The following NEK11 variants were observed in gnomAD, a reference collection of about 807,000 sequenced individuals.
NEK11 encodes the protein NIMA related kinase 11.
A neutral mutation model predicts 80.7 loss-of-function variants in NEK11; 72 were observed. The observed-to-expected ratio is 0.89, with a 90% CI of 0.74 to 1.08. The LOEUF is 1.08. NEK11 is among the 50% of genes least tolerant of loss of function. NEK11 has a pLI of 0.00. For synonymous variants in NEK11, 251 were observed against 260.7 expected (o/e 0.96, Z 0.36); for missense variants, 764 against 763.6 (o/e 1.00, Z -0.01).
rs1255340337 is a variant in NEK11, at chr3:131,098,000, G to A, written c.337-11803G>A. ...GAACAGAGCCCTCAGAAATAATGCC[G>A]CATATCTACAACTATCTGATCTTTG... On this transcript the variant is annotated intron_variant, in intron 4 of 17. Transcript: ENST00000383366. Among the ~76,000 whole-genome samples, 52 of 143,866 alleles carry A rather than the reference G, an allele frequency of 3.6e-4. 1 individual carries two copies. The highest frequency in any genetic ancestry group is 3.6e-3 in the Middle Eastern group (1 of 276). The allele number at this position is 143,866 out of a possible 152,430, so 94.4% of individuals were successfully genotyped here.
chr3:131,179,454 T>G (rs1262559953), intron 14 of NEK11, among the ~76,000 whole-genome samples: 2 of 152,234 alleles, frequency 1.3e-5, no homozygotes, highest in Non-Finnish European at 2.9e-5. Flanking sequence ...ACAAGGACAC[T>G]TAGTCTGTAT....
rs372753221 is a variant in NEK11 at position 131,162,559 on chromosome 3, C to G, written c.1082+32C>G. On this transcript the variant is annotated intron_variant, in intron 11 of 17. Transcript: ENST00000383366. ...TGCTTTTCCTTTAGGCACTCATGCT[C>G]GGGACTACTTCTCAGGGCTCTCAGG... 3 of 1,612,226 alleles carry G rather than the reference C, an allele frequency of 1.9e-6. No individual in the cohort carries two copies. The African/African-American group carries it at 4.0e-5, about 22-fold the overall frequency.
At position 131,176,333 on chromosome 3, in the gene NEK11, C is replaced by T. The variant is rs149300267; in HGVS notation, c.1399+5446C>T. 1.5e-3 allele frequency among the ~76,000 whole-genome samples: 225 copies of T among 152,228 alleles called. 5 individuals carry two copies. The East Asian group carries it at 0.035, about 24-fold the overall frequency. ...GTTACTTCCACATTCCTAGATCTTCCGTCACTTCTGGAGCTTTAGATGTCT... is the reference window on the plus strand; with the variant it reads ...GTTACTTCCACATTCCTAGATCTTCTGTCACTTCTGGAGCTTTAGATGTCT... On this transcript the variant is annotated intron_variant, in intron 14 of 17. Transcript: ENST00000383366.
At chr3:131,138,866 C>T (rs1022099210) in intron 7 of NEK11, among the ~76,000 whole-genome samples, 1 of 152,104 alleles carries the variant, frequency 6.6e-6, no homozygotes, top group African/African-American at 2.4e-5. Flanking sequence ...ATCACAACAC[C>T]CAAGTATTTT....
chr3:131,250,652 A>G (rs1219668384), intron 16 of NEK11, among the ~76,000 whole-genome samples: 1 of 152,128 alleles, frequency 6.6e-6, no homozygotes, highest in Non-Finnish European at 1.5e-5. Context: ...AAGAAAGGTC[A>G]CTGAACGATA....
At chr3:131,220,146 A>T (rs2094970109) in intron 14 of NEK11, among the ~76,000 whole-genome samples, 1 of 152,098 alleles carries the variant, frequency 6.6e-6, no homozygotes. Flanking sequence ...TTTCATCTAA[A>T]TTGTGCTTAC....
intron 17 of NEK11, among the ~76,000 whole-genome samples, chr3:131,297,102 A>C (rs1339484534): frequency 2.0e-5 from 3 of 152,178 alleles, no homozygotes; most frequent in African/African-American, 7.2e-5. Context: ...TGCTATTGTG[A>C]ATAGTGCCAC....
intron 14 of NEK11, among the ~76,000 whole-genome samples, chr3:131,224,104 A>G (rs1484105096): frequency 6.6e-6 from 1 of 152,122 alleles, no homozygotes. Flanking sequence ...CAACATAGCC[A>G]CTCACATACT....
intron 16 of NEK11, among the ~76,000 whole-genome samples, chr3:131,256,141 G>T (rs1042112248): frequency 3.3e-5 from 5 of 152,130 alleles, no homozygotes; most frequent in African/African-American, 4.8e-5. Flanking sequence ...GTATTCTATT[G>T]CACAGTTGGG....
In NEK11 at chr3:131,187,005, A is replaced by C. The variant is rs572044075; in HGVS notation, c.1399+16118A>C. On this transcript the variant is annotated intron_variant, in intron 14 of 17. Transcript: ENST00000383366. ...TATTTTCTCCTTTAGTTGGAATATG[A>C]AGAAATTTCAGCAGGCCTTTTTTTC... Among the ~76,000 whole-genome samples the C allele has an allele frequency of 3.3e-5, 5 of 152,304 alleles. No homozygotes were observed. The South Asian group carries it at 1.0e-3, about 32-fold the overall frequency.
chr3:131,338,816 CAGTTAT>C (rs1440906902), intron 17 of NEK11, among the ~76,000 whole-genome samples: 3 of 152,132 alleles, frequency 2.0e-5, no homozygotes, highest in African/African-American at 7.2e-5. Context: ...AAAAACAGGT[CAGTTAT>C]CACCAAGGGG....
chr3:131,203,779 ATATATATATATAT>A (rs2094349938), intron 14 of NEK11, among the ~76,000 whole-genome samples: 1 of 4,870 alleles, frequency 2.1e-4, no homozygotes, highest in Non-Finnish European at 5.3e-4. Flanking sequence ...ATATATATAT[ATATATATATATAT>A]ATATATATAT....
intron 16 of NEK11, 95 bp from the exon 17 acceptor site, chr3:131,273,383 G>A (rs977977178): frequency 9.7e-6 from 8 of 824,922 alleles, no homozygotes; most frequent in Non-Finnish European, 1.6e-5. Context: ...TGTGGCAAAG[G>A]TGGATTAGCT....
At chr3:131,221,350 G>C (rs547294665) in intron 14 of NEK11, among the ~76,000 whole-genome samples, 1 of 152,330 alleles carries the variant, frequency 6.6e-6, no homozygotes, top group East Asian at 1.9e-4. Context: ...TGGAGAGCTT[G>C]TCAAACCACA....
At chr3:131,282,131 G>T (rs2096404878) in intron 17 of NEK11, among the ~76,000 whole-genome samples, 2 of 152,116 alleles carry the variant, frequency 1.3e-5, no homozygotes, top group Admixed American at 6.6e-5. Context: ...TTTAGCCAGA[G>T]ATTTTTGTTT....
At chr3:131,342,547 G>A (rs1582465027) in intron 17 of NEK11, among the ~76,000 whole-genome samples, 2 of 132,416 alleles carry the variant, frequency 1.5e-5, no homozygotes, top group Admixed American at 7.3e-5. Context: ...GTCTCCTGGT[G>A]TCTTTTTTTT....
chr3:131,099,904 C>G (rs1314363912), intron 4 of NEK11, among the ~76,000 whole-genome samples: 1 of 152,178 alleles, frequency 6.6e-6, no homozygotes, highest in Non-Finnish European at 1.5e-5. Flanking sequence ...TAGAATCATA[C>G]TGTCAGCAAA....
chr3:131,115,902 TTTTCTTTCTTTCTTTC>T (rs201604189), intron 5 of NEK11, among the ~76,000 whole-genome samples: 3,094 of 70,230 alleles, frequency 0.044, 116 homozygotes, highest in Middle Eastern at 0.096. Flanking sequence ...AAAGGTAGTG[TTTTCTTTCTTTCTTTC>T]TTTCTTTCTT....
chr3:131,228,428 A>C (rs1201561726), intron 14 of NEK11, 100 bp from the exon 15 acceptor site: 19 of 1,073,308 alleles, frequency 1.8e-5, no homozygotes, highest in Non-Finnish European at 1.0e-5. Flanking sequence ...AAGCTTTGTC[A>C]ACGCAAGCAA....
Sources: gnomAD v4.1 joint callset for allele counts (sites outside exome capture counted in the v4.1 genomes callset) on GRCh38, gnomAD v4.1.1 for gene constraint, MANE v1.5 for transcripts, NCBI Gene and HGNC (gene_info 2026-07-23, HGNC 2026-07-21) for gene names.